Variants in BNC2 observed in about 807,000 individuals in gnomAD.
The protein encoded by BNC2 is basonuclin zinc finger protein 2.
Under a neutral mutation model 76.3 loss-of-function variants are expected in BNC2, and 20 were observed. The ratio of observed to expected loss-of-function variants is 0.26; its 90% CI spans 0.18 to 0.38. The LOEUF (loss-of-function observed/expected upper bound fraction) is 0.38. Ranked by LOEUF, BNC2 falls within the 10% of genes least tolerant of loss-of-function variation. The pLI, the probability that BNC2 is intolerant of heterozygous loss-of-function variation, is 1.00. For synonymous variants in BNC2, 582 were observed against 514.8 expected, an observed-to-expected ratio of 1.13 and a Z score of -1.77; for missense variants, 1,382 against 1,399.8, an observed-to-expected ratio of 0.99 and a Z score of 0.20.
At chr9:16,720,829 C>T (rs956276280) in intron 3 of BNC2, among the ~76,000 whole-genome samples, 3 of 152,024 alleles carry the variant, frequency 2.0e-5, no homozygotes, top group Non-Finnish European at 4.4e-5. Context: ...ACAGCGATTC[C>T]TCTCTTCTCC....
intron 2 of BNC2, 120 bp downstream of exon 2, chr9:16,738,240 A>G: frequency 1.8e-6 from 2 of 1,094,642 alleles, no homozygotes; most frequent in Non-Finnish European, 2.7e-6. Context: ...AATGAGGATA[A>G]GTATGAAAGA....
At chr9:16,641,515 T>C (rs1450832135) in intron 3 of BNC2, among the ~76,000 whole-genome samples, 3 of 152,248 alleles carry the variant, frequency 2.0e-5, no homozygotes, top group African/African-American at 7.2e-5. Context: ...ATTTAATTAA[T>C]TTCCTGATTG....
intron 1 of BNC2, among the ~76,000 whole-genome samples, chr9:16,787,917 G>A (rs538151043): frequency 6.6e-6 from 1 of 152,230 alleles, no homozygotes; most frequent in East Asian, 1.9e-4. Flanking sequence ...AACCGTTACT[G>A]AATTAGAATC....
At chr9:16,515,825 T>C (rs1006371796) in intron 5 of BNC2, among the ~76,000 whole-genome samples, 14 of 149,926 alleles carry the variant, frequency 9.3e-5, no homozygotes, top group African/African-American at 3.4e-4. Flanking sequence ...AAGATATATA[T>C]ATATATACAT....
At chr9:16,683,132 C>A (rs1265076849) in intron 3 of BNC2, among the ~76,000 whole-genome samples, 2 of 152,136 alleles carry the variant, frequency 1.3e-5, no homozygotes, top group African/African-American at 4.8e-5. Flanking sequence ...TCAAATCAGG[C>A]ACAGACTTGA....
chr9:16,865,647 G>GA (rs1315519546), intron 1 of BNC2, among the ~76,000 whole-genome samples: 1 of 151,892 alleles, frequency 6.6e-6, no homozygotes, highest in African/African-American at 2.4e-5. Flanking sequence ...ATCACCAAGA[G>GA]AAAAATACTC....
chr9:16,543,010 A>G (rs911521670), intron 5 of BNC2, among the ~76,000 whole-genome samples: 1 of 152,162 alleles, frequency 6.6e-6, no homozygotes, highest in Non-Finnish European at 1.5e-5. Context: ...TTCCTGTACA[A>G]GTCCCCCTCA....
At chr9:16,710,001 T>C (rs1587340531) in intron 3 of BNC2, among the ~76,000 whole-genome samples, 1 of 152,226 alleles carries the variant, frequency 6.6e-6, no homozygotes, top group African/African-American at 2.4e-5. Flanking sequence ...GAGGCATTCT[T>C]ATTTGCTACA....
At chr9:16,862,975 C>T (rs1425525826) in intron 1 of BNC2, among the ~76,000 whole-genome samples, 3 of 149,950 alleles carry the variant, frequency 2.0e-5, no homozygotes, top group African/African-American at 4.9e-5. Context: ...AGTGCAGTGG[C>T]GAGATCTTGG....
chr9:16,525,327 C>G (rs1024227547), intron 5 of BNC2, among the ~76,000 whole-genome samples: 4 of 151,900 alleles, frequency 2.6e-5, no homozygotes, highest in Non-Finnish European at 5.9e-5. Flanking sequence ...GAGCTGAAAA[C>G]CAACTATGAA....
Position 16,499,769 on chromosome 9 carries a change from G to C in BNC2, c.669+52761C>G, listed in dbSNP as rs561647983. Among the ~76,000 whole-genome samples, 4 of 151,974 alleles carry C rather than the reference G, an allele frequency of 2.6e-5. No homozygotes were observed. In the South Asian group the frequency reaches 8.3e-4, roughly 32 times the overall value. On this transcript the variant is annotated intron_variant, in intron 5 of 6. Transcript: ENST00000380672. The stretch of plus-strand genomic sequence containing the variant: ...GGGTCTTGAACTCCTGACCTCAAGT[G>C]ATAAGCCTGCCTCAGCCTCCCAAAG...
intron 3 of BNC2, among the ~76,000 whole-genome samples, chr9:16,724,228 G>T (rs1824248268): frequency 1.3e-5 from 2 of 151,750 alleles, no homozygotes; most frequent in African/African-American, 4.8e-5. Flanking sequence ...TTTTTAAATA[G>T]ACTGGACTAT....
At chr9:16,851,617 T>C (rs1819128879) in intron 1 of BNC2, among the ~76,000 whole-genome samples, 1 of 152,268 alleles carries the variant, frequency 6.6e-6, no homozygotes, top group Non-Finnish European at 1.5e-5. Flanking sequence ...AAAATGGTAC[T>C]GTAAAACTTT....
At chr9:16,812,285 A>G (rs1205830207) in intron 1 of BNC2, among the ~76,000 whole-genome samples, 1 of 152,228 alleles carries the variant, frequency 6.6e-6, no homozygotes, top group Admixed American at 6.5e-5. Context: ...TCTCCATCCC[A>G]AGAAAAAGAT....
chr9:16,626,553 A>G (rs1218779372), intron 3 of BNC2, among the ~76,000 whole-genome samples: 1 of 152,114 alleles, frequency 6.6e-6, no homozygotes, highest in South Asian at 2.1e-4. Context: ...AAAATAAACA[A>G]CAACAAAGAC....
chr9:16,514,452 A>T (rs1421757192), intron 5 of BNC2, among the ~76,000 whole-genome samples: 3 of 152,152 alleles, frequency 2.0e-5, no homozygotes, highest in African/African-American at 7.2e-5. Flanking sequence ...ATCTTTTGTT[A>T]TGTGTTTTTC....
At chr9:16,841,681 A>G (rs1457011510) in intron 1 of BNC2, among the ~76,000 whole-genome samples, 1 of 152,240 alleles carries the variant, frequency 6.6e-6, no homozygotes, top group Non-Finnish European at 1.5e-5. Context: ...TTAAACACTT[A>G]AAACGTGAAA....
chr9:16,458,094 A>G (rs1263114988), intron 5 of BNC2, among the ~76,000 whole-genome samples: 1 of 152,086 alleles, frequency 6.6e-6, no homozygotes, highest in Non-Finnish European at 1.5e-5. Flanking sequence ...GTGTCCAGTT[A>G]GGTTGAGTTA....
chr9:16,663,451 A>G lies in BNC2; in HGVS notation c.330+64346T>C, dbSNP rs73421478. Among the ~76,000 whole-genome samples the G allele has an allele frequency of 4.4e-3, 670 of 152,166 alleles. 5 individuals are homozygous for G. The highest frequency in any genetic ancestry group is 0.015 in the African/African-American group (640 of 41,518). On this transcript the variant is annotated intron_variant, in intron 3 of 6. Transcript: ENST00000380672. The stretch of plus-strand genomic sequence containing the variant: ...CCCACTCTGTTTTCAAACTAATACA[A>G]ATATGAGTTCTTTCTAATTTACCAA...
Sources: gnomAD v4.1 joint callset for allele counts (sites outside exome capture counted in the v4.1 genomes callset) on GRCh38, gnomAD v4.1.1 for gene constraint, MANE v1.5 for transcripts, NCBI Gene and HGNC (gene_info 2026-07-23, HGNC 2026-07-21) for gene names.